RANBP2: variants seen among roughly 807,000 people sequenced by gnomAD.
RANBP2 encodes the protein E3 SUMO-protein ligase RanBP2.
RANBP2 carries 57 observed loss-of-function variants against 303.6 expected under a neutral mutation model. The observed-to-expected ratio is 0.19, with a 90% confidence interval of 0.15 to 0.23. The LOEUF is 0.23. Among genes scored for constraint, RANBP2 ranks in the 10% least tolerant of loss-of-function variants. RANBP2 has a pLI of 1.00. For synonymous variants in RANBP2, 1,167 were observed against 1,301.5 expected (o/e 0.90, Z 2.23); for missense variants, 3,138 against 3,780.8 (o/e 0.83, Z 4.46).
At chr2:108,922,694 C>G in the RANBP2 span, among the ~76,000 whole-genome samples, 943 of 152,230 alleles carry the variant, frequency 6.2e-3, 13 homozygotes, top group African/African-American at 0.02. Flanking sequence ...GTGGCAAGTG[C>G]TCCTGCAGCC....
chr2:109,131,038 A>C, the RANBP2 span, among the ~76,000 whole-genome samples: 1 of 152,228 alleles, frequency 6.6e-6, no homozygotes, highest in Admixed American at 6.5e-5. Context: ...CTATTGGAAT[A>C]ATCATTTGCT....
chr2:109,002,725 T>G, the RANBP2 span, among the ~76,000 whole-genome samples: 1 of 152,140 alleles, frequency 6.6e-6, no homozygotes, highest in South Asian at 2.1e-4. Context: ...GTTTTGGGTG[T>G]TTTTGTTTGT....
the RANBP2 span, among the ~76,000 whole-genome samples, chr2:109,259,259 C>T: frequency 1.3e-5 from 2 of 152,244 alleles, no homozygotes; most frequent in African/African-American, 2.4e-5. Flanking sequence ...GCACCCAGAC[C>T]TGCAGCTGCT....
At chr2:109,615,278 G>A in the RANBP2 span, 4 of 1,586,090 alleles carry the variant, frequency 2.5e-6, no homozygotes, top group Admixed American at 7.1e-5. Flanking sequence ...GCTCCGTGAC[G>A]CTGGACCCCC....
the RANBP2 span, among the ~76,000 whole-genome samples, chr2:109,105,284 A>T: frequency 1.3e-5 from 2 of 152,132 alleles, no homozygotes; most frequent in African/African-American, 4.8e-5. Flanking sequence ...CTTGACTGGG[A>T]AGGGAAAAGT....
chr2:109,322,960 T>C, the RANBP2 span, among the ~76,000 whole-genome samples: 486 of 152,254 alleles, frequency 3.2e-3, 11 homozygotes, highest in Admixed American at 1.8e-3. Context: ...GCAGGCAATA[T>C]AAAGAGGCCA....
intron 8 of RANBP2, 82 bp downstream of exon 8, chr2:108,746,880 T>C: frequency 1.6e-6 from 1 of 608,138 alleles, no homozygotes; most frequent in East Asian, 2.8e-5. Context: ...AATCTTCATC[T>C]GTCCAGGAGA....
chr2:109,622,750 C>T, the RANBP2 span, among the ~76,000 whole-genome samples: 3 of 152,142 alleles, frequency 2.0e-5, no homozygotes, highest in Non-Finnish European at 4.4e-5. Flanking sequence ...GATTAAACGC[C>T]AGCGTAGAAG....
the RANBP2 span, among the ~76,000 whole-genome samples, chr2:109,607,594 C>A: frequency 1.3e-5 from 2 of 152,056 alleles, no homozygotes; most frequent in African/African-American, 2.4e-5. Context: ...AACTTAATTA[C>A]CTGGGCTAAT....
the RANBP2 span, among the ~76,000 whole-genome samples, chr2:109,440,318 C>T: frequency 6.6e-6 from 1 of 152,148 alleles, no homozygotes; most frequent in African/African-American, 2.4e-5. Flanking sequence ...GCCGCCGAGG[C>T]CAGGGGCCCA....
chr2:109,670,660 G>A, the RANBP2 span, among the ~76,000 whole-genome samples: 1 of 152,168 alleles, frequency 6.6e-6, no homozygotes, highest in African/African-American at 2.4e-5. Context: ...AGCCAGTGGG[G>A]TGCATAGCAT....
At chr2:109,120,501 A>G in the RANBP2 span, among the ~76,000 whole-genome samples, 2 of 151,754 alleles carry the variant, frequency 1.3e-5, no homozygotes, top group African/African-American at 2.4e-5. Flanking sequence ...ACCGCCCTCC[A>G]CCCCCAGGGT....
intron 7 of RANBP2, among the ~76,000 whole-genome samples, chr2:108,745,735 T>C (rs1305190483): frequency 1.3e-5 from 2 of 152,116 alleles, no homozygotes; most frequent in African/African-American, 2.4e-5. Context: ...TCATTTCACC[T>C]GTACTTTTTA....
At chr2:109,147,965 T>C in the RANBP2 span, among the ~76,000 whole-genome samples, 1 of 152,212 alleles carries the variant, frequency 6.6e-6, no homozygotes, top group Non-Finnish European at 1.5e-5. Context: ...TTTCTGCTGA[T>C]CTTTACAGGT....
the RANBP2 span, chr2:109,574,918 T>A: frequency 2.1e-6 from 1 of 465,892 alleles, no homozygotes; most frequent in Non-Finnish European, 3.5e-6. Flanking sequence ...TAAAAAAATG[T>A]GCAGAACATG....
At chr2:109,084,326 C>T in the RANBP2 span, among the ~76,000 whole-genome samples, 2 of 152,132 alleles carry the variant, frequency 1.3e-5, no homozygotes, top group South Asian at 4.1e-4. Flanking sequence ...GTGAGAAGGG[C>T]GTTGGATATT....
chr2:109,163,430 G>A, the RANBP2 span, among the ~76,000 whole-genome samples: 4 of 105,800 alleles, frequency 3.8e-5, no homozygotes, highest in African/African-American at 3.8e-5. Context: ...ACGGAGTCTC[G>A]CTCTGTCGCC....
At chr2:109,187,800 C>T in the RANBP2 span, among the ~76,000 whole-genome samples, 2 of 152,224 alleles carry the variant, frequency 1.3e-5, no homozygotes, top group Non-Finnish European at 1.5e-5. Flanking sequence ...TCCGACTTCC[C>T]TCTGACACCA....
At chr2:109,297,350 C>T in the RANBP2 span, among the ~76,000 whole-genome samples, 82 of 152,224 alleles carry the variant, frequency 5.4e-4, no homozygotes, top group Non-Finnish European at 1.2e-4. Context: ...AGAAAACCCA[C>T]CAAAGAGGGG....
Sources: allele counts gnomAD v4.1 joint callset (sites outside exome capture counted in the v4.1 genomes callset), GRCh38; gene constraint gnomAD v4.1.1; transcripts MANE v1.5; gene names NCBI Gene and HGNC (gene_info 2026-07-23, HGNC 2026-07-21).